C12orf42: variants seen among roughly 807,000 people sequenced by gnomAD.
C12orf42 encodes uncharacterized protein C12orf42.
Under a neutral mutation model 21.6 loss-of-function variants are expected in C12orf42, and 25 were observed. That is an observed-to-expected ratio of 1.16 (90% CI 0.84 to 1.62). C12orf42 has a LOEUF of 1.62. Among genes scored for constraint, C12orf42 ranks in the 40% most tolerant of loss-of-function variants. The pLI is 0.00. For synonymous variants in C12orf42, 174 were observed against 175.0 expected, an observed-to-expected ratio of 0.99 and a Z score of 0.05; for missense variants, 483 against 459.3, an observed-to-expected ratio of 1.05 and a Z score of -0.47.
chr12:103,555,048 T>C, the C12orf42 span, among the ~76,000 whole-genome samples: 1 of 152,062 alleles, frequency 6.6e-6, no homozygotes, highest in African/African-American at 2.4e-5. Context: ...CTCTGGAAAA[T>C]AGCAGGGTAG....
chr12:103,309,934 A>G (rs925897812), intron 4 of C12orf42, among the ~76,000 whole-genome samples: 1 of 152,244 alleles, frequency 6.6e-6, no homozygotes, highest in Non-Finnish European at 1.5e-5. Flanking sequence ...TAAGGGTCCA[A>G]GTAGGGATAC....
At chr12:103,281,389 GTCTCAC>G (rs1278140106) in intron 4 of C12orf42, among the ~76,000 whole-genome samples, 1 of 152,166 alleles carries the variant, frequency 6.6e-6, no homozygotes, top group Non-Finnish European at 1.5e-5. Flanking sequence ...TTGAGATGGA[GTCTCAC>G]TCTGTCACCC....
the C12orf42 span, among the ~76,000 whole-genome samples, chr12:103,529,845 C>T: frequency 2.0e-5 from 3 of 152,060 alleles, no homozygotes; most frequent in Non-Finnish European, 2.9e-5. Flanking sequence ...TTTCCCTCAC[C>T]CCCAAAGAGA....
At chr12:103,465,656 G>C (rs909272904) in intron 2 of C12orf42, among the ~76,000 whole-genome samples, 1 of 152,182 alleles carries the variant, frequency 6.6e-6, no homozygotes, top group East Asian at 1.9e-4. Context: ...AGTGGTGAGA[G>C]AGGGCATCCT....
the C12orf42 span, among the ~76,000 whole-genome samples, chr12:103,154,753 T>C: frequency 6.6e-6 from 1 of 152,308 alleles, no homozygotes; most frequent in African/African-American, 2.4e-5. Context: ...TCCGTTTTTT[T>C]CCATAAGACA....
chr12:103,050,354 TACTTA>T, the C12orf42 span, among the ~76,000 whole-genome samples: 2 of 152,148 alleles, frequency 1.3e-5, no homozygotes, highest in South Asian at 4.1e-4. Context: ...TAGTGCCTTG[TACTTA>T]GCCCATATGA....
the C12orf42 span, among the ~76,000 whole-genome samples, chr12:103,220,346 G>A: frequency 6.6e-6 from 1 of 151,996 alleles, no homozygotes; most frequent in Non-Finnish European, 1.5e-5. Flanking sequence ...GTATACGTAT[G>A]TAACAAACCT....
chr12:103,202,430 A>C, the C12orf42 span, among the ~76,000 whole-genome samples: 3 of 152,150 alleles, frequency 2.0e-5, no homozygotes, highest in African/African-American at 7.2e-5. Flanking sequence ...AGGGACAAGG[A>C]TTTGAGATCA....
chr12:103,047,996 A>G, the C12orf42 span, among the ~76,000 whole-genome samples: 1 of 152,010 alleles, frequency 6.6e-6, no homozygotes, highest in African/African-American at 2.4e-5. Flanking sequence ...CCATCTTACC[A>G]GGAGGAGCTA....
At chr12:103,429,700 C>T (rs1040062341) in intron 2 of C12orf42, among the ~76,000 whole-genome samples, 3 of 152,292 alleles carry the variant, frequency 2.0e-5, no homozygotes, top group Middle Eastern at 3.4e-3. Context: ...GGAGGCATCA[C>T]ACTACCTGAC....
At chr12:103,135,464 A>AAAAAAG in the C12orf42 span, among the ~76,000 whole-genome samples, 1 of 151,948 alleles carries the variant, frequency 6.6e-6, no homozygotes, top group African/African-American at 2.4e-5. Context: ...CTCAAAAAGA[A>AAAAAAG]AAAAAGAAAA....
the C12orf42 span, among the ~76,000 whole-genome samples, chr12:103,206,372 T>A: frequency 6.6e-6 from 1 of 152,204 alleles, no homozygotes; most frequent in Non-Finnish European, 1.5e-5. Flanking sequence ...CAGCCTTTAC[T>A]GGTTATCTTT....
chr12:103,363,823 C>T (rs1265299380), intron 4 of C12orf42, among the ~76,000 whole-genome samples: 2 of 152,076 alleles, frequency 1.3e-5, no homozygotes, highest in African/African-American at 4.8e-5. Flanking sequence ...GCACCTGACA[C>T]TGGAGCTCCC....
the C12orf42 span, among the ~76,000 whole-genome samples, chr12:103,185,444 A>G: frequency 6.6e-6 from 1 of 152,114 alleles, no homozygotes; most frequent in African/African-American, 2.4e-5. Flanking sequence ...CATCAACAAT[A>G]TCTACTACAG....
At chr12:103,256,496 G>T (rs974083653) in intron 10 of C12orf42, among the ~76,000 whole-genome samples, 1 of 151,472 alleles carries the variant, frequency 6.6e-6, no homozygotes, top group Non-Finnish European at 1.5e-5. Flanking sequence ...ATCAAATGGT[G>T]CCATGTCTAA....
chr12:103,300,338 G>A (rs1438283191), downstream of C12orf42, among the ~76,000 whole-genome samples: 1 of 152,074 alleles, frequency 6.6e-6, no homozygotes, highest in Non-Finnish European at 1.5e-5. Context: ...TACATGGTGG[G>A]TATCTCTCAG....
intron 2 of C12orf42, chr12:103,476,863 T>C (rs1385369648): frequency 6.6e-6 from 1 of 152,226 alleles, no homozygotes; most frequent in Non-Finnish European, 1.5e-5. Flanking sequence ...ACATTGAGTA[T>C]TACTTACTGA....
intron 3 of C12orf42, among the ~76,000 whole-genome samples, chr12:103,393,100 A>G (rs966816703): frequency 4.1e-5 from 6 of 145,234 alleles, no homozygotes; most frequent in African/African-American, 1.6e-4. Context: ...AACCAGAATC[A>G]GTTTCTGTGT....
chr12:103,322,483 G>C (rs1245612458), intron 4 of C12orf42, among the ~76,000 whole-genome samples: 1 of 152,118 alleles, frequency 6.6e-6, no homozygotes, highest in Non-Finnish European at 1.5e-5. Flanking sequence ...AAAAGAAGAT[G>C]ACATGCAGGA....
Sources: gnomAD v4.1 joint callset for allele counts (sites outside exome capture counted in the v4.1 genomes callset) on GRCh38, gnomAD v4.1.1 for gene constraint, MANE v1.5 for transcripts, NCBI Gene and HGNC (gene_info 2026-07-23, HGNC 2026-07-21) for gene names.